Variants in ZNF318 observed in about 807,000 individuals in gnomAD.
ZNF318 encodes the protein zinc finger protein 318, also known as endocrine regulator.
ZNF318 carries 51 observed loss-of-function variants against 124.2 expected under a neutral mutation model. That is an observed-to-expected ratio of 0.41 (90% CI 0.33 to 0.52). ZNF318 has a LOEUF of 0.52. ZNF318 is among the 20% of genes least tolerant of loss of function. The probability of loss-of-function intolerance (pLI) is 0.23; values close to 1 mark genes in which losing one functional copy is unlikely to be tolerated. For synonymous variants in ZNF318, 1,090 were observed against 1,040.7 expected (o/e 1.05, Z -0.91); for missense variants, 2,815 against 2,811.2 (o/e 1.00, Z -0.03).
chr6:43,352,557 T>A, intron 4 of ZNF318, 81 bp from the exon 5 acceptor site: 1 of 1,285,466 alleles, frequency 7.8e-7, no homozygotes, highest in South Asian at 1.2e-5. Context: ...GCCTTCTTCC[T>A]AGACATTATC....
rs1357571855 is a variant in ZNF318, at chr6:43,355,042, T to C, written c.2292A>G (p.Pro764=). 1.2e-6 allele frequency: 2 copies of C among 1,614,002 alleles called. No individual in the cohort carries two copies. The highest frequency in any genetic ancestry group is 8.5e-7 in the Non-Finnish European group (1 of 1,179,882). ...GAGCTGCAGCAAACTGAGAGGCCCT[T>C]GGCATGTGAAACTGAGATAAAGCAG... The part of the protein sequence containing the change: ...HTAALSQFHM[P]RASQFAAARI... The change falls in exon 4 of 10, where the codon CCA becomes CCG. Residue 764 remains proline, a synonymous_variant. Transcript: ENST00000361428.
Position 43,355,189 on chromosome 6 carries a change from A to G in ZNF318, c.2145T>C (p.Ser715=). ...CTGAAATATGACCCACTGGATGGTC[A>G]GACTTTAGGAATGGAGGGCTGTTTT... ...LTKNSPPFLK[S]DHPVGHISGP... is the part of the protein sequence containing the mutation. Residue 715 remains serine (S), a synonymous_variant, in exon 4 of 10, where the codon TCT becomes TCC. Transcript: ENST00000361428. 6.2e-7 allele frequency: 1 copy of G among 1,614,232 alleles called. No individual in the cohort carries two copies. Among genetic ancestry groups the G allele is most frequent in the Non-Finnish European group, 8.5e-7 (1 of 1,180,040 alleles).
At chr6:43,352,346 C>T in intron 5 of ZNF318, 31 bp downstream of exon 5, 3 of 1,462,572 alleles carry the variant, frequency 2.1e-6, no homozygotes, top group Non-Finnish European at 2.7e-6. Context: ...CAAGTTATTA[C>T]AAAAAGGCAG....
chr6:43,369,425 T>C lies in ZNF318; in HGVS notation c.-60A>G. On this transcript the variant is annotated 5_prime_UTR_variant, in exon 1 of 10. Coordinates refer to ENST00000361428, the MANE Select transcript of ZNF318 (RefSeq NM_014345.3). ...ACCCGGGGGCGCCCTAGACGCAGGCTCGGAGCGCGCCGCCGCAGCTGCAGC... is the reference window on the plus strand; with the variant it reads ...ACCCGGGGGCGCCCTAGACGCAGGCCCGGAGCGCGCCGCCGCAGCTGCAGC... 4 of 1,146,136 alleles carry C rather than the reference T, an allele frequency of 3.5e-6. No homozygotes were observed. Among genetic ancestry groups the C allele is most frequent in the African/African-American group, 1.6e-5 (1 of 60,996 alleles). 71.0% of individuals were successfully genotyped at this position (1,146,136 alleles called of 1,614,324 possible).
chr6:43,348,707 G>C, intron 5 of ZNF318, 82 bp from the exon 6 acceptor site: 1 of 1,465,198 alleles, frequency 6.8e-7, no homozygotes, highest in Admixed American at 2.1e-5. Context: ...AATTTGTCAG[G>C]GCTTTATGGT....
rs746311441 is a variant in ZNF318, at chr6:43,355,662, A to G, written c.1672T>C (p.Ser558Pro). The G allele has an allele frequency of 4.3e-6, 7 of 1,614,182 alleles. No individual in the cohort carries two copies. The South Asian group carries it at 7.7e-5, about 18-fold the overall frequency. Residue 558 changes from serine (S) to proline (P), a missense_variant, in exon 4 of 10, where the codon TCT (serine) becomes CCT (proline). Physicochemically the swap from Ser to Pro is moderately conservative, Grantham distance 74 (BLOSUM62 -1). Coordinates refer to ENST00000361428, the MANE Select transcript of ZNF318 (RefSeq NM_014345.3). ...TTCTGCCTCATAACTTCACTCTCAG[A>G]GCTCCCAAGGGGCTTTGGTACGGAT... The part of the protein sequence containing the change: ...AESVPKPLGS[S>P]ESEVMRQKAS...
chr6:43,355,624 C>T lies in ZNF318; in HGVS notation c.1710G>A (p.Leu570=), dbSNP rs760912974. 9.3e-6 allele frequency: 15 copies of T among 1,614,102 alleles called. No homozygotes were observed. In the East Asian group the frequency reaches 2.9e-4, roughly 31 times the overall value. The part of the protein sequence containing the change: ...SEVMRQKASS[L]PSSAPAVKLE... ...GCTTTACAGCTGGAGCTGAAGACGG[C>T]AGGGAGCTTGCCTTCTGCCTCATAA... The change falls in exon 4 of 10, where the codon CTG becomes CTA. Residue 570 remains leucine (L), a synonymous_variant. Coordinates refer to ENST00000361428, the MANE Select transcript of ZNF318 (RefSeq NM_014345.3).
chr6:43,338,476 A>C lies in ZNF318; in HGVS notation c.5522T>G (p.Leu1841Trp). The change falls in exon 10 of 10, where the codon TTG (leucine) becomes TGG (tryptophan). Residue 1841 changes from leucine (L) to tryptophan (W), a missense_variant. Transcript: ENST00000361428. ...IDKEAEQSNK[L>W]MTGSETPSKV... ...ACTTGGAGTTTCACTTCCTGTCATC[A>C]ATTTATTGGACTGTTCAGCCTCTTT... 4.3e-6 allele frequency: 7 copies of C among 1,614,172 alleles called. No individual in the cohort carries two copies. Among genetic ancestry groups the C allele is most frequent in the Non-Finnish European group, 5.9e-6 (7 of 1,180,024 alleles).
intron 2 of ZNF318, chr6:43,364,227 A>G (rs1005653721): frequency 3.0e-6 from 2 of 663,086 alleles, no homozygotes; most frequent in Non-Finnish European, 5.3e-6. Flanking sequence ...TTCACTGACC[A>G]CCTCATCAAG....
Position 43,354,694 on chromosome 6 carries a change from A to T in ZNF318, c.2640T>A (p.Asp880Glu). Reference protein sequence around the residue: ...LIRYNPEKISDEKNRASQKQK... With the variant: ...LIRYNPEKISEEKNRASQKQK... ...GCTTCTGGGAAGCACGGTTCTTCTC[A>T]TCAGAGATCTTCTCTGGATTATATC... is the stretch of plus-strand genomic sequence containing the variant. Residue 880 changes from aspartate (D) to glutamate (E), a missense_variant, in exon 4 of 10, where the codon GAT becomes GAA. Asp to Glu is a conservative substitution (Grantham distance 45, BLOSUM62 2). Around this residue, in one of 4 missense-constraint regions of ZNF318, gnomAD observed 1,377 missense variants for 1,353.5 expected, o/e 1.02. Coordinates refer to ENST00000361428, the MANE Select transcript of ZNF318 (RefSeq NM_014345.3). 6.2e-7 allele frequency: 1 copy of T among 1,612,556 alleles called. No individual in the cohort carries two copies. Among genetic ancestry groups the T allele is most frequent in the African/African-American group, 1.3e-5 (1 of 75,026 alleles).
chr6:43,366,381 G>A (rs1019607923), intron 1 of ZNF318, among the ~76,000 whole-genome samples: 1 of 152,174 alleles, frequency 6.6e-6, no homozygotes, highest in Non-Finnish European at 1.5e-5. Context: ...TTTTACACAG[G>A]ATAGTGACAT....
rs143970167 is a variant in ZNF318, at chr6:43,348,499, G to A, written c.2897C>T (p.Ala966Val). Residue 966 changes from alanine to valine, a missense_variant, in exon 6 of 10, where the codon GCA becomes GTA. Physicochemically the swap from Ala to Val is moderately conservative, Grantham distance 64. Coordinates refer to ENST00000361428, the MANE Select transcript of ZNF318 (RefSeq NM_014345.3). ...IAELRQEAEE[A>V]EKKQSELDKV... Reference sequence around the variant, plus strand: ...GTCCAGTTCAGATTGCTTCTTTTCTGCCTCTTCTGCCTCTTGCCGTAGCTC... The same window carrying A: ...GTCCAGTTCAGATTGCTTCTTTTCTACCTCTTCTGCCTCTTGCCGTAGCTC... The A allele has an allele frequency of 5.3e-5, 86 of 1,613,940 alleles. No homozygotes were observed. The highest frequency in any genetic ancestry group is 8.3e-5 in the Admixed American group (5 of 59,990).
intron 7 of ZNF318, among the ~76,000 whole-genome samples, chr6:43,342,471 T>C (rs1236386934): frequency 6.6e-6 from 1 of 152,074 alleles, no homozygotes; most frequent in African/African-American, 2.4e-5. Flanking sequence ...TCACTTACAC[T>C]TGTCATGGTG....
At chr6:43,368,002 G>A (rs151222982) in intron 1 of ZNF318, among the ~76,000 whole-genome samples, 4,416 of 152,214 alleles carry the variant, frequency 0.029, 238 homozygotes, top group African/African-American at 0.1. Context: ...TCCAGCCTGG[G>A]GAACAGAGTG....
At chr6:43,358,558 A>C (rs369293755) in intron 2 of ZNF318, among the ~76,000 whole-genome samples, 2 of 141,256 alleles carry the variant, frequency 1.4e-5, no homozygotes, top group African/African-American at 5.4e-5. Context: ...CACCGCGCCC[A>C]GCCTGTTTTG....
rs1779279691 is a variant in ZNF318, at chr6:43,336,402, T to C, written c.*756A>G. On this transcript the variant is annotated 3_prime_UTR_variant, in exon 10 of 10. Transcript: ENST00000361428. ...AAATAAAAGTGATCTCAAAAGCATA[T>C]CTGCTCCTGGCAATGAACCATGAAT... The C allele has an allele frequency of 6.6e-6, 1 of 152,382 alleles. No homozygotes were observed. The highest frequency in any genetic ancestry group is 1.5e-5 in the Non-Finnish European group (1 of 68,040). The allele number at this position is 152,382 out of a possible 1,614,324, so 9.4% of individuals were successfully genotyped here. A position where few individuals can be genotyped will look rare whatever the true frequency, so the allele number is the denominator to read the frequency against.
Position 43,355,233 on chromosome 6 carries a change from C to T in ZNF318, c.2101G>A (p.Asp701Asn). Reference protein sequence around the residue: ...VSHPHPPSPVDPYLLTKNSPP... With the variant: ...VSHPHPPSPVNPYLLTKNSPP... The stretch of plus-strand genomic sequence containing the variant: ...CTGTTTTTTGTGAGCAGGTAAGGAT[C>T]CACAGGAGAAGGTGGGTGTGGATGG... The change falls in exon 4 of 10, where the codon GAT (aspartate) becomes AAT (asparagine). Residue 701 changes from aspartate (D) to asparagine (N), a missense_variant. This residue lies in a region of ZNF318 where 1,377 missense variants were observed against 1,353.5 expected (regional missense o/e 1.02). Coordinates refer to ENST00000361428, the MANE Select transcript of ZNF318 (RefSeq NM_014345.3). 2 of 1,614,146 alleles carry T rather than the reference C, an allele frequency of 1.2e-6. No individual in the cohort carries two copies. The highest frequency in any genetic ancestry group is 1.7e-6 in the Non-Finnish European group (2 of 1,180,030).
chr6:43,342,873 T>C lies in ZNF318; in HGVS notation c.3079A>G (p.Lys1027Glu), dbSNP rs1779390699. The change falls in exon 7 of 10, where the codon AAA (lysine) becomes GAA (glutamate). Residue 1027 changes from lysine to glutamate, a missense_variant. Around this residue, in one of 4 missense-constraint regions of ZNF318, gnomAD observed 1,377 missense variants for 1,353.5 expected, o/e 1.02. Coordinates refer to ENST00000361428, the MANE Select transcript of ZNF318 (RefSeq NM_014345.3). The stretch of plus-strand genomic sequence containing the variant: ...GTACGAAACTTCTCATTGTTTACTT[T>C]TGATTCCTAGAGGGGAAAAATCTGT... ...FSNSSSNKES[K>E]VNNEKFRTKS... The C allele has an allele frequency of 2.5e-6, 4 of 1,610,094 alleles. No individual in the cohort carries two copies. Among genetic ancestry groups the C allele is most frequent in the Non-Finnish European group, 3.4e-6 (4 of 1,177,026 alleles).
Position 43,339,817 on chromosome 6 carries a change from T to C in ZNF318, c.4181A>G (p.Glu1394Gly), listed in dbSNP as rs943657978. ...AGGTAAGAGGAGATCAGCTGAAGAC[T>C]CTTTAACCACTGGCAGAGGTTTAGC... The part of the protein sequence containing the change: ...TTAKPLPVVK[E>G]SSADLLLPPD... Residue 1394 changes from glutamate to glycine, a missense_variant, in exon 10 of 10, where the codon GAG (glutamate) becomes GGG (glycine). Physicochemically the swap from Glu to Gly is moderately conservative, Grantham distance 98. Coordinates refer to ENST00000361428, the MANE Select transcript of ZNF318 (RefSeq NM_014345.3). The surrounding 1 kb of genome is among the most constrained non-coding windows in gnomAD (Gnocchi z 4.2). 1 of 1,614,198 alleles carries C rather than the reference T, an allele frequency of 6.2e-7. No individual in the cohort carries two copies. Among genetic ancestry groups the C allele is most frequent in the Non-Finnish European group, 8.5e-7 (1 of 1,180,036 alleles).
Sources: gnomAD v4.1 joint callset for allele counts (sites outside exome capture counted in the v4.1 genomes callset) on GRCh38, gnomAD v4.1.1 for gene constraint, gnomAD v4.1.1 regional missense constraint, Gnocchi (gnomAD v3.1) non-coding constraint, MANE v1.5 for transcripts, NCBI Gene and HGNC (gene_info 2026-07-23, HGNC 2026-07-21) for gene names.